IL1RAPL1: variants seen among roughly 807,000 people sequenced by gnomAD.
IL1RAPL1 encodes interleukin 1 receptor accessory protein like 1, also known as interleukin-1 receptor accessory protein-like 1.
IL1RAPL1 carries 3 observed loss-of-function variants against 48.4 expected under a neutral mutation model. The ratio of observed to expected loss-of-function variants is 0.06; its 90% CI spans 0.03 to 0.16. The LOEUF is 0.16. Ranked by LOEUF, IL1RAPL1 falls within the 10% of genes least tolerant of loss-of-function variation. The probability of loss-of-function intolerance (pLI) is 1.00; values close to 1 mark genes in which losing one functional copy is unlikely to be tolerated. For synonymous variants in IL1RAPL1, 185 were observed against 187.7 expected, an observed-to-expected ratio of 0.99 and a Z score of 0.12; for missense variants, 349 against 530.6, an observed-to-expected ratio of 0.66 and a Z score of 3.36.
chrX:29,873,383 C>G (rs770659406), intron 6 of IL1RAPL1, among the ~76,000 whole-genome samples: 2 of 105,698 alleles, frequency 1.9e-5, no homozygotes, highest in Non-Finnish European at 3.9e-5. Flanking sequence ...TTTGTGCCCC[C>G]CCCCCAATTA....
intron 5 of IL1RAPL1, among the ~76,000 whole-genome samples, chrX:29,520,894 T>A (rs1044631676): frequency 3.6e-5 from 4 of 111,292 alleles, no homozygotes; most frequent in Non-Finnish European, 7.5e-5. Flanking sequence ...GGAGAAAGGA[T>A]CAGTATGCAA....
chrX:29,422,378 A>G (rs1257894808), intron 5 of IL1RAPL1, among the ~76,000 whole-genome samples: 1 of 111,375 alleles, frequency 9.0e-6, no homozygotes, highest in East Asian at 2.8e-4. Context: ...TTTTCAGTTC[A>G]GCATGTTAAA....
chrX:29,120,043 G>C (rs1209416847), intron 2 of IL1RAPL1, among the ~76,000 whole-genome samples: 9 of 111,352 alleles, frequency 8.1e-5, no homozygotes. Context: ...CACCCAAAGA[G>C]GGAAAGAAAA....
chrX:29,177,909 C>A (rs1288105697), intron 2 of IL1RAPL1, among the ~76,000 whole-genome samples: 1 of 111,890 alleles, frequency 8.9e-6, no homozygotes, highest in Non-Finnish European at 1.9e-5. Flanking sequence ...TATGTCCCTG[C>A]AAAGGACATG....
chrX:28,943,037 G>A (rs751798383), intron 2 of IL1RAPL1, among the ~76,000 whole-genome samples: 1 of 110,615 alleles, frequency 9.0e-6, no homozygotes, highest in African/African-American at 3.3e-5. Context: ...GTTTCAATAT[G>A]CCTAAGGTTT....
At chrX:29,127,295 A>G (rs1275763731) in intron 2 of IL1RAPL1, among the ~76,000 whole-genome samples, 2 of 111,351 alleles carry the variant, frequency 1.8e-5, no homozygotes, top group East Asian at 5.6e-4. Context: ...AACACGATGC[A>G]TGGTGCTTGC....
chrX:29,130,005 T>C (rs1928987094), intron 2 of IL1RAPL1, among the ~76,000 whole-genome samples: 1 of 111,425 alleles, frequency 9.0e-6, no homozygotes, highest in African/African-American at 3.3e-5. Context: ...TTTCAATCGT[T>C]TTCTGACCAA....
At chrX:29,656,778 G>A (rs755311792) in intron 5 of IL1RAPL1, among the ~76,000 whole-genome samples, 2 of 111,245 alleles carry the variant, frequency 1.8e-5, no homozygotes, top group Non-Finnish European at 3.8e-5. Flanking sequence ...CTGAAGTTCC[G>A]GAATGGCTTT....
At chrX:28,969,955 A>ATGTTTCTAAACACATATATG (rs1925024755) in intron 2 of IL1RAPL1, among the ~76,000 whole-genome samples, 1 of 111,405 alleles carries the variant, frequency 9.0e-6, no homozygotes, top group African/African-American at 3.2e-5. Context: ...ACACATATAT[A>ATGTTTCTAAACACATATATG]TGTTTCTAAA....
intron 2 of IL1RAPL1, among the ~76,000 whole-genome samples, chrX:28,940,440 C>T (rs1411491486): frequency 2.7e-5 from 3 of 110,462 alleles, no homozygotes; most frequent in Non-Finnish European, 1.9e-5. Context: ...GTGTTTTTTT[C>T]CTGTTTTTAC....
intron 6 of IL1RAPL1, among the ~76,000 whole-genome samples, chrX:29,749,358 A>G (rs1331491497): frequency 8.9e-6 from 1 of 112,530 alleles, no homozygotes; most frequent in Non-Finnish European, 1.9e-5. Context: ...AACATTGTAT[A>G]GACAAAAGAA....
At chrX:28,659,557 G>C in intron 1 of IL1RAPL1, 2 of 431,128 alleles carry the variant, frequency 4.6e-6, no homozygotes, top group Non-Finnish European at 8.3e-6. Flanking sequence ...GCGAGCTAGA[G>C]ACTGGCTAGC....
chrX:29,028,966 G>C (rs1926554828), intron 2 of IL1RAPL1, among the ~76,000 whole-genome samples: 1 of 111,357 alleles, frequency 9.0e-6, no homozygotes, highest in Admixed American at 9.5e-5. Context: ...ATAAAGGAAA[G>C]GGGTTTGATT....
intron 2 of IL1RAPL1, among the ~76,000 whole-genome samples, chrX:28,864,488 A>G (rs750621822): frequency 1.8e-5 from 2 of 112,025 alleles, no homozygotes; most frequent in Non-Finnish European, 3.8e-5. Context: ...CAGAGAGACT[A>G]AGGGAAAGAG....
chrX:29,657,769 C>G (rs1240730868), intron 5 of IL1RAPL1, among the ~76,000 whole-genome samples: 3 of 108,528 alleles, frequency 2.8e-5, no homozygotes, highest in Non-Finnish European at 3.8e-5. Flanking sequence ...CTTTCCCTCA[C>G]AGGATACATA....
At chrX:29,553,423 C>T (rs2147788861) in intron 5 of IL1RAPL1, among the ~76,000 whole-genome samples, 1 of 111,649 alleles carries the variant, frequency 9.0e-6, no homozygotes, top group East Asian at 2.8e-4. Context: ...TGTCATTATA[C>T]TGGGGCCCCG....
At chrX:29,254,019 G>A (rs994878493) in intron 2 of IL1RAPL1, among the ~76,000 whole-genome samples, 1 of 111,553 alleles carries the variant, frequency 9.0e-6, no homozygotes, top group East Asian at 2.8e-4. Flanking sequence ...AAATCAGTAA[G>A]TGGAGAAAAT....
chrX:29,732,608 TG>T (rs1415292522), intron 6 of IL1RAPL1, among the ~76,000 whole-genome samples: 1 of 112,389 alleles, frequency 8.9e-6, no homozygotes, highest in Non-Finnish European at 1.9e-5. Flanking sequence ...TGCTCTTACC[TG>T]GTAACTCATT....
At chrX:28,958,282 A>G (rs2147360150) in intron 2 of IL1RAPL1, among the ~76,000 whole-genome samples, 1 of 111,637 alleles carries the variant, frequency 9.0e-6, no homozygotes, top group Admixed American at 9.6e-5. Flanking sequence ...CTGCCCAGTC[A>G]CCCTCTGGTA....
Sources: gnomAD v4.1 joint callset for allele counts (sites outside exome capture counted in the v4.1 genomes callset) on GRCh38, gnomAD v4.1.1 for gene constraint, MANE v1.5 for transcripts, NCBI Gene and HGNC (gene_info 2026-07-23, HGNC 2026-07-21) for gene names.